MARCHF8: variants seen among roughly 807,000 people sequenced by gnomAD.
MARCHF8 encodes the protein E3 ubiquitin-protein ligase MARCHF8.
A neutral mutation model predicts 51.6 loss-of-function variants in MARCHF8; 40 were observed. That is an observed-to-expected ratio of 0.77 (90% CI 0.60 to 1.01). The LOEUF is 1.01. Ranked by LOEUF, MARCHF8 falls within the 50% of genes least tolerant of loss-of-function variation. The probability of loss-of-function intolerance (pLI) is 0.00; values close to 1 mark genes in which losing one functional copy is unlikely to be tolerated. For synonymous variants in MARCHF8, 263 were observed against 280.3 expected (o/e 0.94, Z 0.62); for missense variants, 685 against 708.6 (o/e 0.97, Z 0.38).
At chr10:45,550,135 T>C (rs2044178364) in intron 1 of MARCHF8, among the ~76,000 whole-genome samples, 1 of 152,220 alleles carries the variant, frequency 6.6e-6, no homozygotes, top group Admixed American at 6.5e-5. Flanking sequence ...ATAGTTTTTA[T>C]CAGTAGAGTG....
At chr10:45,593,097 GAAGT>G (rs992451707) in intron 1 of MARCHF8, among the ~76,000 whole-genome samples, 3 of 149,222 alleles carry the variant, frequency 2.0e-5, no homozygotes, top group Admixed American at 2.0e-4. Flanking sequence ...AAAGATCAGG[GAAGT>G]AAGTTGGTTT....
intron 3 of MARCHF8, among the ~76,000 whole-genome samples, chr10:45,466,642 C>T (rs185462669): frequency 2.6e-4 from 39 of 152,242 alleles, no homozygotes; most frequent in South Asian, 1.9e-3. Context: ...GCATGGTCCT[C>T]TTGGAACCAC....
intron 1 of MARCHF8, among the ~76,000 whole-genome samples, chr10:45,563,397 G>A (rs1007593870): frequency 2.6e-5 from 4 of 152,096 alleles, no homozygotes; most frequent in Non-Finnish European, 4.4e-5. Context: ...TGTAGTATAC[G>A]CAAGGGTTCT....
chr10:45,535,006 C>G (rs2043951654), intron 1 of MARCHF8, among the ~76,000 whole-genome samples: 1 of 152,088 alleles, frequency 6.6e-6, no homozygotes, highest in South Asian at 2.1e-4. Flanking sequence ...TTTATAAAGT[C>G]TAGTTTTACA....
intron 1 of MARCHF8, among the ~76,000 whole-genome samples, chr10:45,548,356 C>T (rs572192664): frequency 6.6e-6 from 1 of 152,260 alleles, no homozygotes; most frequent in Non-Finnish European, 1.5e-5. Context: ...TAATGTGGGG[C>T]AGGCAGGACT....
rs918357557 is a variant in MARCHF8, at chr10:45,463,962, T to C, written c.277A>G (p.Ser93Gly). 3 of 1,535,836 alleles carry C rather than the reference T, an allele frequency of 2.0e-6. No homozygotes were observed. Among genetic ancestry groups the C allele is most frequent in the African/African-American group, 1.4e-5 (1 of 73,038 alleles). The change falls in exon 5 of 8, where the codon AGT becomes GGT. Residue 93 changes from serine (S) to glycine (G), a missense_variant. Ser to Gly is a moderately conservative substitution (Grantham distance 56). Coordinates refer to ENST00000453424, the MANE Select transcript of MARCHF8 (RefSeq NM_001282866.2). ...GAGACAACAGCAGACTGCACGGAACTGTGGTGACAACACTCAGAAAACACT... is the reference window on the plus strand; with the variant it reads ...GAGACAACAGCAGACTGCACGGAACCGTGGTGACAACACTCAGAAAACACT... ...SAVFSECCHH[S>G]SVQSAVVSKA...
chr10:45,518,744 T>C (rs1042445548), intron 2 of MARCHF8, among the ~76,000 whole-genome samples: 1 of 152,228 alleles, frequency 6.6e-6, no homozygotes, highest in Non-Finnish European at 1.5e-5. Flanking sequence ...CCAATCCTGC[T>C]GATCTCAGTT....
In MARCHF8 at chr10:45,458,500, GGCCACA is replaced by G; in HGVS notation, c.1455_1460del (p.Val486_Ala487del). 6.2e-7 allele frequency: 1 copy of G among 1,610,512 alleles called. No homozygotes were observed. Among genetic ancestry groups the G allele is most frequent in the Non-Finnish European group, 8.5e-7 (1 of 1,178,744 alleles). On this transcript the variant is annotated inframe_deletion, in exon 8 of 8. Coordinates refer to ENST00000453424, the MANE Select transcript of MARCHF8 (RefSeq NM_001282866.2). ...AAAGAAGTCCTCCGGTGAAGCCGAT[GGCCACA>G]ACCACCAATTTAGTCCAAAAGGGCC... is the stretch of plus-strand genomic sequence containing the variant.
chr10:45,564,002 G>A (rs1482378956), intron 1 of MARCHF8, among the ~76,000 whole-genome samples: 4 of 152,230 alleles, frequency 2.6e-5, no homozygotes, highest in South Asian at 2.1e-4. Flanking sequence ...GTGGCTAGGC[G>A]TGGTGTCTCA....
intron 2 of MARCHF8, among the ~76,000 whole-genome samples, chr10:45,527,194 C>T (rs1020219188): frequency 6.6e-6 from 1 of 151,916 alleles, no homozygotes; most frequent in African/African-American, 2.4e-5. Context: ...AATAGAAAGA[C>T]CACAAGTTAA....
At position 45,455,015 on chromosome 10, in the gene MARCHF8, G is replaced by C. The variant is rs1842559954; in HGVS notation, c.*3224C>G. On this transcript the variant is annotated 3_prime_UTR_variant, in exon 8 of 8. Transcript: ENST00000453424. ...CAGAAAGTACTTCAATTGTGTATTT[G>C]CCTTCAGCCACATCCAGAGACTTGT... 1 of 152,212 alleles carries C rather than the reference G, an allele frequency of 6.6e-6. No homozygotes were observed. The highest frequency in any genetic ancestry group is 2.4e-5 in the African/African-American group (1 of 41,454). The allele number at this position is 152,212 out of a possible 1,614,324, so 9.4% of individuals were successfully genotyped here. A position where few individuals can be genotyped will look rare whatever the true frequency, so the allele number is the denominator to read the frequency against.
intron 1 of MARCHF8, among the ~76,000 whole-genome samples, chr10:45,558,694 C>A (rs1211995701): frequency 6.6e-6 from 1 of 152,326 alleles, no homozygotes; most frequent in South Asian, 2.1e-4. Flanking sequence ...CACTAGCAGG[C>A]TGTGTGTACA....
intron 1 of MARCHF8, among the ~76,000 whole-genome samples, chr10:45,593,825 T>G (rs1033955387): frequency 5.9e-5 from 9 of 152,006 alleles, no homozygotes; most frequent in African/African-American, 2.2e-4. Flanking sequence ...AAGAGAAAAA[T>G]AACAGAAAAC....
intron 2 of MARCHF8, among the ~76,000 whole-genome samples, chr10:45,510,134 T>C (rs2043469283): frequency 6.6e-6 from 1 of 152,154 alleles, no homozygotes; most frequent in Non-Finnish European, 1.5e-5. Context: ...AGCTTACAGA[T>C]GCTTTCAGCT....
intron 2 of MARCHF8, among the ~76,000 whole-genome samples, chr10:45,531,118 A>T (rs2043876435): frequency 6.6e-6 from 1 of 152,206 alleles, no homozygotes; most frequent in South Asian, 2.1e-4. Flanking sequence ...TTAAAAAATT[A>T]AAAGTGCAGC....
intron 3 of MARCHF8, among the ~76,000 whole-genome samples, chr10:45,482,333 CAAAA>C (rs1338130249): frequency 6.6e-6 from 1 of 152,000 alleles, no homozygotes; most frequent in Admixed American, 6.6e-5. Context: ...CATATGGAAC[CAAAA>C]AAGAGCACAA....
At chr10:45,469,504 G>A (rs1843086433) in intron 3 of MARCHF8, among the ~76,000 whole-genome samples, 1 of 152,108 alleles carries the variant, frequency 6.6e-6, no homozygotes. Context: ...GACATAAAAA[G>A]GATAAAGTCT....
intron 1 of MARCHF8, among the ~76,000 whole-genome samples, chr10:45,541,628 A>C (rs1176255215): frequency 1.3e-5 from 2 of 152,196 alleles, no homozygotes; most frequent in Non-Finnish European, 2.9e-5. Flanking sequence ...AACAACAACA[A>C]AAACTATAGA....
intron 2 of MARCHF8, among the ~76,000 whole-genome samples, chr10:45,525,709 G>T (rs1178572932): frequency 9.2e-5 from 14 of 152,216 alleles, no homozygotes; most frequent in Admixed American, 9.2e-4. Context: ...CATGTTGATA[G>T]TATACTCGAT....
Sources: gnomAD v4.1 joint callset for allele counts (sites outside exome capture counted in the v4.1 genomes callset) on GRCh38, gnomAD v4.1.1 for gene constraint, MANE v1.5 for transcripts, NCBI Gene and HGNC (gene_info 2026-07-23, HGNC 2026-07-21) for gene names.